Variants in CR2 observed in about 807,000 individuals in gnomAD.
CR2 encodes the protein complement C3d receptor 2.
A neutral mutation model predicts 123.0 loss-of-function variants in CR2; 96 were observed. The ratio of observed to expected loss-of-function variants is 0.78; its 90% CI spans 0.66 to 0.93. The LOEUF (loss-of-function observed/expected upper bound fraction) is 0.93, where lower values mean the gene tolerates loss of function less well. CR2 is among the 40% of genes least tolerant of loss of function. The pLI is 0.00. For missense variants in CR2, 1,258 were observed against 1,361.0 expected (o/e 0.92, Z 1.19); for synonymous variants, 484 against 469.5 (o/e 1.03, Z -0.40).
At chr1:207,469,054 C>A in intron 4 of CR2, 96 bp from the exon 5 acceptor site, 1 of 1,344,530 alleles carries the variant, frequency 7.4e-7, no homozygotes. Flanking sequence ...CAGATGCACA[C>A]TGATTGAAAT....
intron 18 of CR2, among the ~76,000 whole-genome samples, chr1:207,480,596 C>A (rs1189774578): frequency 6.6e-6 from 1 of 152,062 alleles, no homozygotes; most frequent in Non-Finnish European, 1.5e-5. Context: ...TTTTTTCATA[C>A]CCACTTATTT....
chr1:207,462,491 C>A lies in CR2; in HGVS notation c.59-4035C>A, dbSNP rs188975286. 4.4e-4 allele frequency among the ~76,000 whole-genome samples: 67 copies of A among 152,244 alleles called. 1 individual carries two copies. The highest frequency in any genetic ancestry group is 1.6e-3 in the African/African-American group (66 of 41,536). The stretch of plus-strand genomic sequence containing the variant: ...GAGCTTACTTGTAAAAAAATATATG[C>A]ATTTTTTCCCTATAAACAGTGGTAA... On this transcript the variant is annotated intron_variant, in intron 1 of 19. Transcript: ENST00000367057.
At chr1:207,486,799 C>A (rs1658762027) in intron 19 of CR2, among the ~76,000 whole-genome samples, 1 of 152,184 alleles carries the variant, frequency 6.6e-6, no homozygotes, top group Non-Finnish European at 1.5e-5. Flanking sequence ...GCCTAAGCAA[C>A]TGGAAGGATA....
rs763322439 is a variant in CR2, at chr1:207,485,448, T to C, written c.3189-16T>C. On this transcript the variant is annotated splice_polypyrimidine_tract_variant and intron_variant, in intron 18 of 19. Transcript: ENST00000367057. ...ATGAGTAAAGATATTACATTTTTCT[T>C]TCTTCTTCTGTTTAGCAATTATTAT... 1 of 1,518,368 alleles carries C rather than the reference T, an allele frequency of 6.6e-7. No homozygotes were observed. The highest frequency in any genetic ancestry group is 9.1e-7 in the Non-Finnish European group (1 of 1,093,052). 94.1% of individuals were successfully genotyped at this position (1,518,368 alleles called of 1,614,324 possible).
chr1:207,472,949 G>C lies in CR2; in HGVS notation c.1748G>C (p.Arg583Thr). 1.2e-6 allele frequency: 2 copies of C among 1,614,020 alleles called. No homozygotes were observed. Among genetic ancestry groups the C allele is most frequent in the Non-Finnish European group, 8.5e-7 (1 of 1,179,946 alleles). ...TIRCTSNDQE[R>T]GTWSGPAPLC... ...CGTTGTACAAGCAATGATCAAGAAA[G>C]AGGCACCTGGAGTGGCCCTGCTCCC... The change falls in exon 10 of 20, where the codon AGA becomes ACA. Residue 583 changes from arginine to threonine, a missense_variant. Physicochemically the swap from Arg to Thr is moderately conservative, Grantham distance 71. Transcript: ENST00000367057.
In CR2 at chr1:207,454,455, C is replaced by T. The variant is rs1401650921; in HGVS notation, c.37C>T (p.Leu13Phe). ...GGGCCTGCTCGGGGTTTTCTTGGCT[C>T]TCGTCGCACCGGGGGTCCTCGGTGA... ...AAGLLGVFLALVAPGVLGISC... is the reference protein window; with the variant it reads ...AAGLLGVFLAFVAPGVLGISC... The change falls in exon 1 of 20, where the codon CTC becomes TTC. Residue 13 changes from leucine (L) to phenylalanine (F), a missense_variant. Transcript: ENST00000367057. The surrounding 1 kb of genome is among the most constrained non-coding windows in gnomAD (Gnocchi z 4.3). The T allele has an allele frequency of 1.3e-6, 2 of 1,581,044 alleles. No individual in the cohort carries two copies. The highest frequency in any genetic ancestry group is 1.7e-4 in the Middle Eastern group (1 of 5,990).
intron 19 of CR2, among the ~76,000 whole-genome samples, chr1:207,487,649 G>T (rs546329558): frequency 6.6e-6 from 1 of 152,326 alleles, no homozygotes; most frequent in South Asian, 2.1e-4. Flanking sequence ...TATTTTTTAA[G>T]ATTGGAGAAA....
chr1:207,471,187 G>A (rs1336539549), intron 8 of CR2, 100 bp downstream of exon 8: 4 of 1,213,936 alleles, frequency 3.3e-6, no homozygotes, highest in Admixed American at 3.4e-5. Flanking sequence ...CAAGCTCTAT[G>A]TAAGAGTTTG....
At chr1:207,468,340 A>ATT in intron 2 of CR2, 187 bp from the exon 3 acceptor site, 5 of 568,832 alleles carry the variant, frequency 8.8e-6, no homozygotes, top group Admixed American at 3.2e-5. Flanking sequence ...CCATTATGAG[A>ATT]TTTTTTTTTT....
chr1:207,459,249 G>T (rs548587492), intron 1 of CR2, among the ~76,000 whole-genome samples: 67 of 152,004 alleles, frequency 4.4e-4, no homozygotes, highest in Non-Finnish European at 2.2e-4. Flanking sequence ...TGATAGTTTG[G>T]GTTAACAGGT....
Position 207,474,870 on chromosome 1 carries a change from A to AG in CR2, c.2372dup (p.Met792HisfsTer11). The AG allele has an allele frequency of 6.2e-7, 1 of 1,614,090 alleles. No homozygotes were observed. The highest frequency in any genetic ancestry group is 2.2e-5 in the East Asian group (1 of 44,872). ...CAGTGATTGTCAATGGGAAGCACAC[A>AG]GGCATGATGGCAGAAAACTTTCTAT... On this transcript the variant is annotated frameshift_variant, in exon 14 of 20. Coordinates refer to ENST00000367057, the MANE Select transcript of CR2 (RefSeq NM_001006658.3). LOFTEE classifies it high-confidence loss of function.
At position 207,470,839 on chromosome 1, in the gene CR2, G is replaced by A; in HGVS notation, c.1325G>A (p.Gly442Asp). 4.3e-6 allele frequency: 7 copies of A among 1,613,888 alleles called. No homozygotes were observed. The African/African-American group carries it at 5.3e-5, about 12-fold the overall frequency. The change falls in exon 7 of 20, where the codon GGC becomes GAC. Residue 442 changes from glycine to aspartate, a missense_variant. Physicochemically the swap from Gly to Asp is moderately conservative, Grantham distance 94. Coordinates refer to ENST00000367057, the MANE Select transcript of CR2 (RefSeq NM_001006658.3). The stretch of plus-strand genomic sequence containing the variant: ...TCTATAAAATATAGCTGTAACCCTG[G>A]CTATGTGCTGGTGGGAGAAGAATCC... ...GTSIKYSCNPGYVLVGEESIQ... is the reference protein window; with the variant it reads ...GTSIKYSCNPDYVLVGEESIQ...
chr1:207,479,269 C>T lies in CR2; in HGVS notation c.3101C>T (p.Pro1034Leu). The T allele has an allele frequency of 6.3e-7, 1 of 1,598,716 alleles. No homozygotes were observed. Among genetic ancestry groups the T allele is most frequent in the South Asian group, 1.1e-5 (1 of 90,750 alleles). The change falls in exon 17 of 20, where the codon CCT becomes CTT. Residue 1034 changes from proline to leucine, a missense_variant. Coordinates refer to ENST00000367057, the MANE Select transcript of CR2 (RefSeq NM_001006658.3). ...GTACTATTTTTAGGTTCACTTGCTC[C>T]TGTCCTTTGTGGTAAGTCTTCTTAA... The part of the protein sequence containing the change: ...LAVCRSRSLA[P>L]VLCGIAAGLI...
At chr1:207,477,235 G>A (rs748536765) in intron 15 of CR2, among the ~76,000 whole-genome samples, 4 of 152,202 alleles carry the variant, frequency 2.6e-5, no homozygotes, top group Non-Finnish European at 1.5e-5. Context: ...TGAAGGAGGA[G>A]CAAAGGCACA....
At chr1:207,458,077 C>CACAT (rs1558186102) in intron 1 of CR2, among the ~76,000 whole-genome samples, 1 of 150,196 alleles carries the variant, frequency 6.7e-6, no homozygotes, top group African/African-American at 2.5e-5. Flanking sequence ...CACACACACA[C>CACAT]ACACACACAC....
At chr1:207,465,797 T>C (rs1181959825) in intron 1 of CR2, among the ~76,000 whole-genome samples, 4 of 152,164 alleles carry the variant, frequency 2.6e-5, no homozygotes, top group African/African-American at 9.6e-5. Context: ...GACAAGTAAA[T>C]GAAGAATATG....
chr1:207,455,693 A>G (rs1286245009), intron 1 of CR2, among the ~76,000 whole-genome samples: 2 of 152,162 alleles, frequency 1.3e-5, no homozygotes, highest in African/African-American at 4.8e-5. Flanking sequence ...CCTTTGAACA[A>G]ATGTATATTC....
At chr1:207,479,191 C>T (rs376939139) in intron 16 of CR2, 66 bp from the exon 17 acceptor site, 32 of 1,242,704 alleles carry the variant, frequency 2.6e-5, no homozygotes, top group Admixed American at 2.0e-4. Flanking sequence ...TACCATGAAA[C>T]GTGGGGCTAC....
At chr1:207,477,419 A>G (rs558904212) in intron 15 of CR2, among the ~76,000 whole-genome samples, 3 of 152,280 alleles carry the variant, frequency 2.0e-5, no homozygotes, top group South Asian at 4.1e-4. Flanking sequence ...GGGAGCTACA[A>G]TTCAACATGA....
Sources: gnomAD v4.1 joint callset for allele counts (sites outside exome capture counted in the v4.1 genomes callset) on GRCh38, gnomAD v4.1.1 for gene constraint, Gnocchi (gnomAD v3.1) non-coding constraint, MANE v1.5 for transcripts, NCBI Gene and HGNC (gene_info 2026-07-23, HGNC 2026-07-21) for gene names.